Variants in MACROH2A2 observed in about 807,000 individuals in gnomAD.
MACROH2A2 encodes the protein macroH2A.2 histone, also known as core histone macro-H2A.2.
A neutral mutation model predicts 37.6 loss-of-function variants in MACROH2A2; 6 were observed. The ratio of observed to expected loss-of-function variants is 0.16; its 90% CI spans 0.09 to 0.32. The LOEUF (loss-of-function observed/expected upper bound fraction) is 0.32, where lower values mean the gene tolerates loss of function less well. Among genes scored for constraint, MACROH2A2 ranks in the 10% least tolerant of loss-of-function variants. The probability of loss-of-function intolerance (pLI) is 1.00; values close to 1 mark genes in which losing one functional copy is unlikely to be tolerated. For missense variants in MACROH2A2, 290 were observed against 485.9 expected, an observed-to-expected ratio of 0.60 and a Z score of 3.79; for synonymous variants, 192 against 202.7, an observed-to-expected ratio of 0.95 and a Z score of 0.45.
intron 6 of MACROH2A2, among the ~76,000 whole-genome samples, chr10:70,096,251 G>A (rs1355526837): frequency 6.6e-6 from 1 of 152,144 alleles, no homozygotes; most frequent in Non-Finnish European, 1.5e-5. Context: ...CGTTGAGTAT[G>A]CTTGTATTCA....
At chr10:70,090,475 A>C (rs892548374) in intron 3 of MACROH2A2, among the ~76,000 whole-genome samples, 1 of 152,180 alleles carries the variant, frequency 6.6e-6, no homozygotes, top group South Asian at 2.1e-4. Context: ...TCTTCACCCA[A>C]ACTTAGTTGA....
chr10:70,067,792 C>G (rs533705662), intron 1 of MACROH2A2, among the ~76,000 whole-genome samples: 16 of 152,030 alleles, frequency 1.1e-4, no homozygotes, highest in Non-Finnish European at 2.1e-4. Flanking sequence ...TTGATGAAGT[C>G]AGAAACAGAG....
intron 2 of MACROH2A2, among the ~76,000 whole-genome samples, chr10:70,080,564 C>T (rs1040547910): frequency 1.3e-5 from 2 of 152,058 alleles, no homozygotes; most frequent in South Asian, 2.1e-4. Context: ...GGTGAGACCT[C>T]GTCTCTACAA....
At chr10:70,080,525 C>T (rs1290072052) in intron 2 of MACROH2A2, among the ~76,000 whole-genome samples, 1 of 151,994 alleles carries the variant, frequency 6.6e-6, no homozygotes, top group Non-Finnish European at 1.5e-5. Context: ...CACTTGAGTC[C>T]AGGAGTTCCA....
chr10:70,078,388 G>A (rs1327402349), intron 2 of MACROH2A2, among the ~76,000 whole-genome samples: 2 of 152,192 alleles, frequency 1.3e-5, no homozygotes, highest in Non-Finnish European at 2.9e-5. Flanking sequence ...CGTGGAGGAG[G>A]AGAAGGTGAC....
chr10:70,082,964 G>C (rs528895743), intron 2 of MACROH2A2, among the ~76,000 whole-genome samples: 30 of 151,078 alleles, frequency 2.0e-4, no homozygotes, highest in Non-Finnish European at 2.9e-4. Context: ...AATGGTAGAT[G>C]TATGTTATGT....
In MACROH2A2 at chr10:70,057,791, T is replaced by G. The variant is rs377369555; in HGVS notation, c.-60+4791T>G. ...ATCACAGTAGTTAATGTTTATTAAA[T>G]GTCTGCTACCTGCCAGGTACTGTTC... On this transcript the variant is annotated intron_variant, in intron 1 of 8. Coordinates refer to ENST00000373255, the MANE Select transcript of MACROH2A2 (RefSeq NM_018649.3). 9.8e-5 allele frequency among the ~76,000 whole-genome samples: 15 copies of G among 152,364 alleles called. 1 individual carries two copies. In the East Asian group the frequency reaches 2.3e-3, roughly 23 times the overall value.
rs529005254 is a variant in MACROH2A2, at chr10:70,095,980, G to A, written c.688+227G>A. 4.6e-5 allele frequency among the ~76,000 whole-genome samples: 7 copies of A among 152,232 alleles called. No homozygotes were observed. In the South Asian group the frequency reaches 1.0e-3, roughly 23 times the overall value. ...GGTATTGTGTAAAAGCAAATCATTA[G>A]CATAGAGCTTGATGAATTTTTCTCA... On this transcript the variant is annotated intron_variant, in intron 6 of 8. Coordinates refer to ENST00000373255, the MANE Select transcript of MACROH2A2 (RefSeq NM_018649.3).
At chr10:70,096,128 T>C (rs1369840837) in intron 6 of MACROH2A2, among the ~76,000 whole-genome samples, 1 of 152,190 alleles carries the variant, frequency 6.6e-6, no homozygotes. Context: ...CTGTCCTTTC[T>C]TATCAAAGCA....
chr10:70,064,746 C>T (rs546286983), intron 1 of MACROH2A2, among the ~76,000 whole-genome samples: 13 of 152,234 alleles, frequency 8.5e-5, no homozygotes, highest in African/African-American at 2.2e-4. Context: ...TTTTGCCTCC[C>T]GCCCTGATTC....
chr10:70,098,958 C>G (rs2072291598), intron 6 of MACROH2A2: 1 of 152,186 alleles, frequency 6.6e-6, no homozygotes, highest in Admixed American at 6.5e-5. Flanking sequence ...ATTCCCCTTG[C>G]CTTCTGCACA....
rs76643214 is a variant in MACROH2A2 at position 70,107,449 on chromosome 10, G to A, written c.779-1584G>A. Among the ~76,000 whole-genome samples, 2,835 of 152,278 alleles carry A rather than the reference G, an allele frequency of 0.019. 95 individuals are homozygous for A. Among genetic ancestry groups the A allele is most frequent in the African/African-American group, 0.065 (2,708 of 41,550 alleles). ...AGTGGCCACGGACCCTTGCTACGCC[G>A]ATTCCTGGGTTCCTGGAGGGGCACA... On this transcript the variant is annotated intron_variant, in intron 7 of 8. Coordinates refer to ENST00000373255, the MANE Select transcript of MACROH2A2 (RefSeq NM_018649.3). The surrounding 1 kb of genome is among the most constrained non-coding windows in gnomAD (Gnocchi z 4.4).
At chr10:70,098,166 C>A (rs2072285781) in intron 6 of MACROH2A2, 1 of 152,094 alleles carries the variant, frequency 6.6e-6, no homozygotes, top group South Asian at 2.1e-4. Context: ...CACTTAAGCC[C>A]AGGAGTTCTA....
At chr10:70,103,502 C>G (rs575958094) in intron 7 of MACROH2A2, among the ~76,000 whole-genome samples, 1 of 152,114 alleles carries the variant, frequency 6.6e-6, no homozygotes, top group African/African-American at 2.4e-5. Flanking sequence ...GCCACCGTGC[C>G]CAGCACCAAC....
In MACROH2A2 at chr10:70,075,938, A is replaced by C; in HGVS notation, c.172+108A>C. ...CTCCAAATTGCCTTTTGGCTGGCTCAAGGCTACTGTGGGTGGTGACAGGGT... is the reference window on the plus strand; with the variant it reads ...CTCCAAATTGCCTTTTGGCTGGCTCCAGGCTACTGTGGGTGGTGACAGGGT... On this transcript the variant is annotated intron_variant, in intron 2 of 8. Coordinates refer to ENST00000373255, the MANE Select transcript of MACROH2A2 (RefSeq NM_018649.3). The surrounding 1 kb of genome is among the most constrained non-coding windows in gnomAD (Gnocchi z 5.0). 8 of 879,746 alleles carry C rather than the reference A, an allele frequency of 9.1e-6. No individual in the cohort carries two copies. Among genetic ancestry groups the C allele is most frequent in the Non-Finnish European group, 1.2e-5 (7 of 566,906 alleles). The allele number at this position is 879,746 out of a possible 1,614,324, so 54.5% of individuals were successfully genotyped here. A position where few individuals can be genotyped will look rare whatever the true frequency, so the allele number is the denominator to read the frequency against.
intron 4 of MACROH2A2, 43 bp from the exon 5 acceptor site, chr10:70,093,692 T>C: frequency 9.1e-7 from 1 of 1,102,776 alleles, no homozygotes; most frequent in Non-Finnish European, 1.4e-6. Flanking sequence ...CTCAGGCTTT[T>C]TCTGGATTGG....
intron 2 of MACROH2A2, among the ~76,000 whole-genome samples, chr10:70,076,764 C>A (rs983863158): frequency 6.6e-6 from 1 of 152,072 alleles, no homozygotes; most frequent in Non-Finnish European, 1.5e-5. Context: ...GGGAGGCAAG[C>A]CTCACTGCAT....
intron 1 of MACROH2A2, among the ~76,000 whole-genome samples, chr10:70,059,888 G>A (rs2072041302): frequency 6.6e-6 from 1 of 152,118 alleles, no homozygotes; most frequent in Non-Finnish European, 1.5e-5. Flanking sequence ...CAGAGAGGAT[G>A]GTGTGGTGTG....
intron 1 of MACROH2A2, among the ~76,000 whole-genome samples, chr10:70,059,518 G>A (rs2072038896): frequency 2.0e-5 from 3 of 151,892 alleles, no homozygotes; most frequent in African/African-American, 7.3e-5. Flanking sequence ...TTACAGACGT[G>A]CGCCACCACA....
Sources: gnomAD v4.1 joint callset for allele counts (sites outside exome capture counted in the v4.1 genomes callset) on GRCh38, gnomAD v4.1.1 for gene constraint, Gnocchi (gnomAD v3.1) non-coding constraint, MANE v1.5 for transcripts, NCBI Gene and HGNC (gene_info 2026-07-23, HGNC 2026-07-21) for gene names.